Variants in INPP5B observed in about 807,000 individuals in gnomAD.
INPP5B encodes inositol polyphosphate-5-phosphatase B, also known as type II inositol 1,4,5-trisphosphate 5-phosphatase.
Under a neutral mutation model 118.5 loss-of-function variants are expected in INPP5B, and 90 were observed. The ratio of observed to expected loss-of-function variants is 0.76; its 90% CI spans 0.64 to 0.90. The LOEUF is 0.90. INPP5B is among the 40% of genes least tolerant of loss of function. The probability of loss-of-function intolerance (pLI) is 0.00; values close to 1 mark genes in which losing one functional copy is unlikely to be tolerated. For synonymous variants in INPP5B, 385 were observed against 418.9 expected (o/e 0.92, Z 0.99); for missense variants, 984 against 1,125.6 (o/e 0.87, Z 1.80).
chr1:37,946,977 C>A lies in INPP5B; in HGVS notation c.-27+13G>T. 6.6e-6 allele frequency: 1 copy of A among 152,654 alleles called. No individual in the cohort carries two copies. The highest frequency in any genetic ancestry group is 1.5e-5 in the Non-Finnish European group (1 of 68,322). 9.5% of individuals were successfully genotyped at this position (152,654 alleles called of 1,614,324 possible). On this transcript the variant is annotated intron_variant, in intron 1 of 23. Transcript: ENST00000373024. ...TCTGCTCCCACCCACAGCTCCCTGACATTGTCACCTACCTCCTGAGCTGTC... is the reference window on the plus strand; with the variant it reads ...TCTGCTCCCACCCACAGCTCCCTGAAATTGTCACCTACCTCCTGAGCTGTC...
At chr1:37,930,651 G>A (rs1645419884) in intron 7 of INPP5B, 1 of 152,224 alleles carries the variant, frequency 6.6e-6, no homozygotes, top group Non-Finnish European at 1.5e-5. Flanking sequence ...AGCACCATCA[G>A]GCGCTTCGAT....
Position 37,943,092 on chromosome 1 carries a change from C to T in INPP5B, c.280+548G>A, listed in dbSNP as rs189351928. Reference sequence around the variant, plus strand: ...CTTGGCTCACGGCAACCTCCGCCTCCCAGGTTCAAGCAATTCTCCTGCCTC... The same window carrying T: ...CTTGGCTCACGGCAACCTCCGCCTCTCAGGTTCAAGCAATTCTCCTGCCTC... On this transcript the variant is annotated intron_variant, in intron 5 of 23. Transcript: ENST00000373024. Among the ~76,000 whole-genome samples the T allele has an allele frequency of 3.1e-3, 467 of 152,042 alleles. 1 individual carries two copies. Among genetic ancestry groups the T allele is most frequent in the African/African-American group, 0.01 (426 of 41,516 alleles).
At chr1:37,892,079 C>T (rs1643868098) in intron 7 of INPP5B, among the ~76,000 whole-genome samples, 1 of 152,128 alleles carries the variant, frequency 6.6e-6, no homozygotes, top group Non-Finnish European at 1.5e-5. Flanking sequence ...AGTTTTATCA[C>T]CTGCTTTATT....
chr1:37,868,600 T>C lies in INPP5B; in HGVS notation c.2202A>G (p.Val734=). 1 of 1,607,700 alleles carries C rather than the reference T, an allele frequency of 6.2e-7. No homozygotes were observed. Among genetic ancestry groups the C allele is most frequent in the Non-Finnish European group, 8.5e-7 (1 of 1,174,114 alleles). Residue 734 remains valine (V), a synonymous_variant, in exon 20 of 24, where the codon GTA becomes GTG. Transcript: ENST00000373024. ...ACTGGCTCCCATCATCTCCAGTCCA[T>C]ACTGGCATCAGAGTCTGGAAAGCAA... is the stretch of plus-strand genomic sequence containing the variant. ...ETISELTLMP[V]WTGDDGSQLD...
chr1:37,895,201 A>T (rs1643981960), intron 7 of INPP5B, among the ~76,000 whole-genome samples: 1 of 152,226 alleles, frequency 6.6e-6, no homozygotes. Flanking sequence ...GATGCAGAGG[A>T]GCCATGACTC....
At chr1:37,944,412 T>G (rs1646043533) in intron 3 of INPP5B, among the ~76,000 whole-genome samples, 2 of 152,020 alleles carry the variant, frequency 1.3e-5, no homozygotes, top group Admixed American at 1.3e-4. Flanking sequence ...TTTTTTTTAT[T>G]TATTATATTT....
At chr1:37,908,206 G>C (rs1248450699) in intron 7 of INPP5B, among the ~76,000 whole-genome samples, 1 of 152,094 alleles carries the variant, frequency 6.6e-6, no homozygotes, top group Non-Finnish European at 1.5e-5. Context: ...GTGACATTTG[G>C]TGCCAAAACC....
At chr1:37,917,624 A>G (rs950011949) in intron 7 of INPP5B, among the ~76,000 whole-genome samples, 3 of 151,754 alleles carry the variant, frequency 2.0e-5, no homozygotes, top group African/African-American at 7.3e-5. Context: ...GTGCCCAGCC[A>G]AAAAACTGAA....
At chr1:37,924,824 G>A (rs1427308158) in intron 7 of INPP5B, among the ~76,000 whole-genome samples, 3 of 152,130 alleles carry the variant, frequency 2.0e-5, no homozygotes, top group East Asian at 3.9e-4. Context: ...AATCACTTGA[G>A]GTCAGGAGTT....
Position 37,862,292 on chromosome 1 carries a change from G to A in INPP5B, c.*23C>T, listed in dbSNP as rs1641743602. 1.3e-6 allele frequency: 2 copies of A among 1,521,270 alleles called. No individual in the cohort carries two copies. The highest frequency in any genetic ancestry group is 1.4e-5 in the African/African-American group (1 of 72,956). The allele number at this position is 1,521,270 out of a possible 1,614,324, so 94.2% of individuals were successfully genotyped here. ...TGGGGCTGGTAATTGGCAGCCTCAA[G>A]TAAAATAGGAGGAGAGAGAGGCTCA... On this transcript the variant is annotated 3_prime_UTR_variant, in exon 24 of 24. Coordinates refer to ENST00000373024, the MANE Select transcript of INPP5B (RefSeq NM_005540.3).
intron 19 of INPP5B, among the ~76,000 whole-genome samples, chr1:37,870,312 C>T (rs960193674): frequency 3.3e-5 from 5 of 152,020 alleles, no homozygotes; most frequent in South Asian, 4.2e-4. Context: ...AGTCTCATTA[C>T]GTTGAGCAGG....
intron 16 of INPP5B, among the ~76,000 whole-genome samples, chr1:37,877,120 A>G (rs1435601427): frequency 1.3e-5 from 2 of 151,922 alleles, no homozygotes; most frequent in Non-Finnish European, 2.9e-5. Context: ...TAATCACAGC[A>G]CTTTGGGAGG....
intron 7 of INPP5B, among the ~76,000 whole-genome samples, chr1:37,892,224 C>T (rs895005095): frequency 2.0e-5 from 3 of 152,128 alleles, no homozygotes; most frequent in African/African-American, 4.8e-5. Context: ...AAAAGCAATA[C>T]AACATATTAT....
chr1:37,901,425 G>A (rs1176454496), intron 7 of INPP5B, among the ~76,000 whole-genome samples: 1 of 152,052 alleles, frequency 6.6e-6, no homozygotes, highest in African/African-American at 2.4e-5. Flanking sequence ...TTCAAACTAA[G>A]GAGTTATGAG....
intron 13 of INPP5B, among the ~76,000 whole-genome samples, chr1:37,884,720 G>A (rs1194339401): frequency 1.3e-5 from 2 of 152,050 alleles, no homozygotes; most frequent in Admixed American, 6.6e-5. Flanking sequence ...GGGAGGCCGA[G>A]GTGGGCGGAT....
At chr1:37,946,043 C>T (rs764432557) in intron 2 of INPP5B, among the ~76,000 whole-genome samples, 193 bp from the exon 3 acceptor site, 3 of 152,212 alleles carry the variant, frequency 2.0e-5, no homozygotes, top group Non-Finnish European at 2.9e-5. Flanking sequence ...GGATAATAAT[C>T]CCCAACTTCA....
intron 1 of INPP5B, 23 bp from the exon 2 acceptor site, chr1:37,946,357 C>T (rs1646112191): frequency 6.3e-7 from 1 of 1,576,458 alleles, no homozygotes; most frequent in Admixed American, 1.8e-5. Flanking sequence ...AGATAGGAGC[C>T]CCGCTTTGGT....
chr1:37,895,543 C>A (rs35978921), intron 7 of INPP5B, among the ~76,000 whole-genome samples: 1 of 150,268 alleles, frequency 6.7e-6, no homozygotes, highest in Non-Finnish European at 1.5e-5. Context: ...TCTCTTTCCA[C>A]GGTCTCCCTC....
intron 7 of INPP5B, chr1:37,931,292 A>C (rs942282624): frequency 1.1e-5 from 6 of 524,062 alleles, no homozygotes; most frequent in Non-Finnish European, 1.9e-5. Context: ...TATCGTAGGC[A>C]GGGCACCACT....
Sources: gnomAD v4.1 joint callset for allele counts (sites outside exome capture counted in the v4.1 genomes callset) on GRCh38, gnomAD v4.1.1 for gene constraint, MANE v1.5 for transcripts, NCBI Gene and HGNC (gene_info 2026-07-23, HGNC 2026-07-21) for gene names.